Variants in CNTNAP5 observed in about 807,000 individuals in gnomAD.
CNTNAP5 encodes the protein contactin-associated protein-like 5.
In CNTNAP5, 72 loss-of-function variants were observed where a neutral mutation model predicts 150.2. The observed-to-expected ratio is 0.48, with a 90% CI of 0.40 to 0.58. CNTNAP5 has a LOEUF of 0.58. Among genes scored for constraint, CNTNAP5 ranks in the 20% least tolerant of loss-of-function variants. The probability of loss-of-function intolerance (pLI) is 0.00; values close to 1 mark genes in which losing one functional copy is unlikely to be tolerated. For missense variants in CNTNAP5, 1,636 were observed against 1,626.2 expected, an observed-to-expected ratio of 1.01 and a Z score of -0.10; for synonymous variants, 672 against 619.8, an observed-to-expected ratio of 1.08 and a Z score of -1.25.
intron 3 of CNTNAP5, among the ~76,000 whole-genome samples, chr2:124,265,738 C>T (rs971719039): frequency 5.3e-5 from 8 of 151,920 alleles, no homozygotes; most frequent in Admixed American, 4.6e-4. Context: ...GACCGAGGGC[C>T]GGCCTGGGAG....
chr2:124,300,439 G>A (rs902744474), intron 3 of CNTNAP5, among the ~76,000 whole-genome samples: 9 of 152,294 alleles, frequency 5.9e-5, no homozygotes, highest in African/African-American at 2.2e-4. Flanking sequence ...ATGCATTTGG[G>A]ATGGATAGGA....
At chr2:124,177,058 G>T (rs1269379582) in intron 1 of CNTNAP5, among the ~76,000 whole-genome samples, 1 of 151,792 alleles carries the variant, frequency 6.6e-6, no homozygotes. Flanking sequence ...ATTTTGGCCA[G>T]GCTACTCTCA....
intron 10 of CNTNAP5, among the ~76,000 whole-genome samples, chr2:124,560,940 A>G (rs1013089462): frequency 4.6e-5 from 7 of 151,900 alleles, no homozygotes; most frequent in Non-Finnish European, 1.0e-4. Flanking sequence ...AAAAAAGTCA[A>G]CCCTGAACTT....
chr2:124,839,497 C>G (rs1368182909), intron 19 of CNTNAP5, among the ~76,000 whole-genome samples: 1 of 151,834 alleles, frequency 6.6e-6, no homozygotes, highest in Non-Finnish European at 1.5e-5. Flanking sequence ...CTAGATTTCC[C>G]TTTTTAAATC....
intron 13 of CNTNAP5, among the ~76,000 whole-genome samples, chr2:124,729,086 T>C (rs1197060096): frequency 6.6e-6 from 1 of 152,056 alleles, no homozygotes; most frequent in Admixed American, 6.6e-5. Context: ...GGCCTTTTAG[T>C]ATCCCACCTG....
intron 5 of CNTNAP5, among the ~76,000 whole-genome samples, chr2:124,444,870 A>T (rs764811402): frequency 2.0e-5 from 3 of 152,076 alleles, no homozygotes; most frequent in Non-Finnish European, 4.4e-5. Flanking sequence ...TCCCTGCTGC[A>T]TAAGGAGGGT....
intron 1 of CNTNAP5, among the ~76,000 whole-genome samples, chr2:124,068,930 A>C (rs1343173650): frequency 1.3e-5 from 2 of 152,086 alleles, no homozygotes; most frequent in South Asian, 4.2e-4. Context: ...CTGAATTATC[A>C]ACAGTGATAC....
intron 13 of CNTNAP5, among the ~76,000 whole-genome samples, chr2:124,745,879 C>T (rs989613740): frequency 4.6e-5 from 7 of 152,154 alleles, no homozygotes; most frequent in South Asian, 2.1e-4. Context: ...CTTTAGGTTG[C>T]CTGGTCTCTT....
chr2:124,697,713 G>A (rs1362599235), intron 13 of CNTNAP5, among the ~76,000 whole-genome samples: 1 of 151,736 alleles, frequency 6.6e-6, no homozygotes, highest in African/African-American at 2.4e-5. Context: ...CCGGAGTGCA[G>A]ACGCTGCCTG....
intron 19 of CNTNAP5, among the ~76,000 whole-genome samples, chr2:124,834,581 G>A (rs1166014424): frequency 1.3e-5 from 2 of 152,058 alleles, no homozygotes; most frequent in Non-Finnish European, 1.5e-5. Context: ...TGGCAATGGA[G>A]ACAGGGGCTG....
intron 3 of CNTNAP5, among the ~76,000 whole-genome samples, chr2:124,349,315 A>T (rs1319938781): frequency 6.6e-6 from 1 of 152,220 alleles, no homozygotes; most frequent in Non-Finnish European, 1.5e-5. Flanking sequence ...TGGTGTTTGC[A>T]TATCTAAACC....
chr2:124,139,263 A>AACACACAC (rs3063402), intron 1 of CNTNAP5, among the ~76,000 whole-genome samples: 51 of 149,304 alleles, frequency 3.4e-4, no homozygotes, highest in African/African-American at 8.6e-4. Flanking sequence ...TTTCTACCCC[A>AACACACAC]ACACACACAC....
chr2:124,795,014 A>T (rs1681814934), intron 18 of CNTNAP5, among the ~76,000 whole-genome samples: 1 of 152,136 alleles, frequency 6.6e-6, no homozygotes, highest in Non-Finnish European at 1.5e-5. Flanking sequence ...AGCTTGGATG[A>T]TTTCTGGATA....
chr2:124,292,937 T>C (rs1357450776), intron 3 of CNTNAP5, among the ~76,000 whole-genome samples: 1 of 152,042 alleles, frequency 6.6e-6, no homozygotes, highest in Non-Finnish European at 1.5e-5. Context: ...AAAATTACCA[T>C]ATTGAAAGAT....
chr2:124,308,516 T>C (rs1031844493), intron 3 of CNTNAP5, among the ~76,000 whole-genome samples: 3 of 152,252 alleles, frequency 2.0e-5, no homozygotes, highest in East Asian at 1.9e-4. Flanking sequence ...ACCAAATTAA[T>C]TGAAAATTAA....
chr2:124,256,440 A>C (rs1357732104), intron 3 of CNTNAP5, among the ~76,000 whole-genome samples: 2 of 152,034 alleles, frequency 1.3e-5, no homozygotes, highest in African/African-American at 4.8e-5. Context: ...CTATCGATAG[A>C]TAAAACTTTG....
At chr2:124,376,662 T>C (rs1425140442) in intron 3 of CNTNAP5, among the ~76,000 whole-genome samples, 2 of 152,110 alleles carry the variant, frequency 1.3e-5, no homozygotes, top group African/African-American at 2.4e-5. Context: ...ATTGAATAGC[T>C]GTGTGATCAT....
intron 21 of CNTNAP5, among the ~76,000 whole-genome samples, chr2:124,873,588 C>T (rs1430639116): frequency 6.6e-6 from 1 of 152,038 alleles, no homozygotes; most frequent in Admixed American, 6.6e-5. Context: ...TATGAACATT[C>T]AGGCTTATTA....
intron 19 of CNTNAP5, among the ~76,000 whole-genome samples, chr2:124,840,671 T>C (rs1682926849): frequency 1.3e-5 from 2 of 152,140 alleles, no homozygotes; most frequent in African/African-American, 4.8e-5. Context: ...CAGGATTCTC[T>C]GCTTATGTCT....
Sources: allele counts gnomAD v4.1 joint callset (sites outside exome capture counted in the v4.1 genomes callset), GRCh38; gene constraint gnomAD v4.1.1; transcripts MANE v1.5; gene names NCBI Gene and HGNC (gene_info 2026-07-23, HGNC 2026-07-21).